The following MAML2 variants were observed in gnomAD, a reference collection of about 807,000 sequenced individuals.
MAML2 encodes the protein mastermind-like protein 2.
Under a neutral mutation model 96.1 loss-of-function variants are expected in MAML2, and 22 were observed. That is an observed-to-expected ratio of 0.23 (90% confidence interval 0.16 to 0.33). MAML2 has a LOEUF of 0.33. MAML2 is among the 10% of genes least tolerant of loss of function. The pLI is 1.00. For missense variants in MAML2, 1,367 were observed against 1,392.4 expected, an observed-to-expected ratio of 0.98 and a Z score of 0.29; for synonymous variants, 561 against 521.3, an observed-to-expected ratio of 1.08 and a Z score of -1.04.
chr11:96,219,662 G>T (rs748329236), intron 1 of MAML2, among the ~76,000 whole-genome samples: 1 of 152,088 alleles, frequency 6.6e-6, no homozygotes, highest in Non-Finnish European at 1.5e-5. Flanking sequence ...GTCTCACTCT[G>T]TCATGTAGGC....
intron 1 of MAML2, among the ~76,000 whole-genome samples, chr11:96,289,118 G>GA (rs1386999268): frequency 6.6e-6 from 1 of 152,168 alleles, no homozygotes; most frequent in African/African-American, 2.4e-5. Flanking sequence ...CAGAATGATA[G>GA]AAAAAGACTT....
At chr11:96,070,402 C>T (rs1317869230) in intron 2 of MAML2, among the ~76,000 whole-genome samples, 1 of 152,242 alleles carries the variant, frequency 6.6e-6, no homozygotes, top group Non-Finnish European at 1.5e-5. Context: ...GCTGCAGCCC[C>T]TTAGGGAGCC....
chr11:96,161,737 G>A (rs988484023), intron 1 of MAML2, among the ~76,000 whole-genome samples: 9 of 152,124 alleles, frequency 5.9e-5, no homozygotes, highest in African/African-American at 1.9e-4. Context: ...CGACTCCACC[G>A]TTTGCACAGC....
At chr11:95,987,007 G>GGTC (rs1332137207) in intron 3 of MAML2, among the ~76,000 whole-genome samples, 1 of 152,140 alleles carries the variant, frequency 6.6e-6, no homozygotes, top group East Asian at 1.9e-4. Context: ...CATCATGAGG[G>GGTC]GTCACAGGGT....
chr11:96,244,820 G>T (rs1862489359), intron 1 of MAML2, among the ~76,000 whole-genome samples: 1 of 152,082 alleles, frequency 6.6e-6, no homozygotes, highest in Non-Finnish European at 1.5e-5. Flanking sequence ...CCGTCTGTCT[G>T]TCCATCCATG....
intron 1 of MAML2, among the ~76,000 whole-genome samples, chr11:96,169,899 C>T (rs1433533283): frequency 1.3e-5 from 2 of 152,188 alleles, no homozygotes; most frequent in Admixed American, 6.5e-5. Context: ...GTGATCTGCC[C>T]GTCTCGGCCT....
Position 96,341,735 on chromosome 11 carries a change from C to A in MAML2, c.161G>T (p.Cys54Phe). The A allele has an allele frequency of 6.2e-7, 1 of 1,613,172 alleles. No homozygotes were observed. Among genetic ancestry groups the A allele is most frequent in the African/African-American group, 1.3e-5 (1 of 75,052 alleles). The change falls in exon 1 of 5, where the codon TGT (cysteine) becomes TTT (phenylalanine). Residue 54 changes from cysteine to phenylalanine, a missense_variant. Cys to Phe is a radical substitution (Grantham distance 205). Transcript: ENST00000524717. Reference sequence around the variant, plus strand: ...CCTACCTCGTTCATATCGTCCTTCACAGCTCAGGTGGTGTTGGCGGCAGAC... The same window carrying A: ...CCTACCTCGTTCATATCGTCCTTCAAAGCTCAGGTGGTGTTGGCGGCAGAC... ...IAVCRQHHLS[C>F]EGRYERGRAE...
chr11:95,993,295 C>T (rs1427146161), intron 2 of MAML2, among the ~76,000 whole-genome samples: 5 of 151,434 alleles, frequency 3.3e-5, no homozygotes, highest in Admixed American at 2.0e-4. Context: ...GAGTTGGGTG[C>T]GGTGGCTCAT....
At chr11:96,098,776 G>A (rs1160573476) in intron 1 of MAML2, among the ~76,000 whole-genome samples, 1 of 152,224 alleles carries the variant, frequency 6.6e-6, no homozygotes, top group East Asian at 1.9e-4. Flanking sequence ...GGGGTTGAAG[G>A]TATGAGAACG....
rs992167287 is a variant in MAML2 at position 96,032,711 on chromosome 11, C to T, written c.2140-40988G>A. Among the ~76,000 whole-genome samples the T allele has an allele frequency of 2.6e-5, 4 of 151,810 alleles. No homozygotes were observed. The East Asian group carries it at 7.7e-4, about 29-fold the overall frequency. On this transcript the variant is annotated intron_variant, in intron 2 of 4. Coordinates refer to ENST00000524717, the MANE Select transcript of MAML2 (RefSeq NM_032427.4). ...TCATACAATGTGATGCTACTTCGCA[C>T]TAAAAAGAATTGAATTACTGATATA...
At chr11:96,117,809 T>C (rs944455746) in intron 1 of MAML2, among the ~76,000 whole-genome samples, 1 of 152,156 alleles carries the variant, frequency 6.6e-6, no homozygotes, top group Non-Finnish European at 1.5e-5. Context: ...CAATCAGAGT[T>C]ATAAGAAGAA....
intron 1 of MAML2, 102 bp from the exon 2 acceptor site, chr11:96,093,619 C>CA (rs1859774844): frequency 2.3e-6 from 2 of 887,720 alleles, no homozygotes; most frequent in African/African-American, 3.4e-5. Flanking sequence ...TCTATTTACA[C>CA]ACAAGATTCA....
chr11:96,174,410 G>GTATT (rs1861350107), intron 1 of MAML2, among the ~76,000 whole-genome samples: 1 of 152,180 alleles, frequency 6.6e-6, no homozygotes, highest in Non-Finnish European at 1.5e-5. Flanking sequence ...TTGAGATGGA[G>GTATT]TATTGCTCTG....
intron 1 of MAML2, among the ~76,000 whole-genome samples, chr11:96,215,067 T>C (rs1862028420): frequency 6.6e-6 from 1 of 152,246 alleles, no homozygotes; most frequent in Non-Finnish European, 1.5e-5. Flanking sequence ...TGTGTGTCCA[T>C]TTCTTGCACT....
At chr11:96,208,844 A>C (rs1861929392) in intron 1 of MAML2, among the ~76,000 whole-genome samples, 1 of 152,228 alleles carries the variant, frequency 6.6e-6, no homozygotes, top group Admixed American at 6.5e-5. Context: ...GAATGGAAAA[A>C]TCTTCAGTGA....
Position 96,122,527 on chromosome 11 carries a change from T to C in MAML2, c.514-29010A>G, listed in dbSNP as rs894903774. ...GTGTGTGTGTGTGTGTGTGTGTGTG[T>C]GTGCACGTGCACGTGCATGTTTGTG... On this transcript the variant is annotated intron_variant, in intron 1 of 4. Coordinates refer to ENST00000524717, the MANE Select transcript of MAML2 (RefSeq NM_032427.4). 3.7e-4 allele frequency among the ~76,000 whole-genome samples: 55 copies of C among 149,018 alleles called. No individual in the cohort carries two copies. The East Asian group carries it at 9.2e-3, about 25-fold the overall frequency.
At chr11:96,255,977 G>A (rs1207170730) in intron 1 of MAML2, among the ~76,000 whole-genome samples, 1 of 147,102 alleles carries the variant, frequency 6.8e-6, no homozygotes, top group Non-Finnish European at 1.5e-5. Flanking sequence ...GGGTTCAAGC[G>A]ATTCTCCTCC....
chr11:96,068,915 C>CTTTTTTT (rs71040128), intron 2 of MAML2, among the ~76,000 whole-genome samples: 1 of 106,490 alleles, frequency 9.4e-6, no homozygotes, highest in African/African-American at 3.7e-5. Context: ...TTCTTCCCTC[C>CTTTTTTT]TTTTTTTTTT....
chr11:96,016,254 C>A (rs1047623826), intron 2 of MAML2, among the ~76,000 whole-genome samples: 4 of 70,552 alleles, frequency 5.7e-5, no homozygotes, highest in Non-Finnish European at 1.0e-4. Flanking sequence ...ACACTGCCTA[C>A]GTGTACATGG....
Sources: allele counts gnomAD v4.1 joint callset (sites outside exome capture counted in the v4.1 genomes callset), GRCh38; gene constraint gnomAD v4.1.1; transcripts MANE v1.5; gene names NCBI Gene and HGNC (gene_info 2026-07-23, HGNC 2026-07-21).